F11: variants seen among roughly 807,000 people sequenced by gnomAD.
F11 encodes the protein coagualtion factor XI.
A neutral mutation model predicts 76.5 loss-of-function variants in F11; 78 were observed. The observed-to-expected ratio is 1.02, with a 90% CI of 0.85 to 1.23. The LOEUF (loss-of-function observed/expected upper bound fraction) is 1.23. F11 is among the 50% of genes most tolerant of loss of function. F11 has a pLI of 0.00. For missense variants in F11, 742 were observed against 771.4 expected (o/e 0.96, Z 0.45); for synonymous variants, 278 against 276.3 (o/e 1.01, Z -0.06).
Position 186,284,108 on chromosome 4 carries a change from C to A in F11, c.1152C>A (p.Ile384=). The change falls in exon 11 of 15, where the codon ATC becomes ATA. Residue 384 remains isoleucine, a synonymous_variant. Transcript: ENST00000403665. ...CTGTTGCAGAGTGTACCACCAAAAT[C>A]AAGCCCAGGATCGTTGGAGGAACTG... The part of the protein sequence containing the change: ...CKMDNECTTK[I]KPRIVGGTAS... The A allele has an allele frequency of 6.2e-7, 1 of 1,614,206 alleles. No homozygotes were observed. The highest frequency in any genetic ancestry group is 1.1e-5 in the South Asian group (1 of 91,076).
At chr4:186,279,621 C>T (rs559985390) in intron 7 of F11, among the ~76,000 whole-genome samples, 2 of 152,104 alleles carry the variant, frequency 1.3e-5, no homozygotes, top group African/African-American at 2.4e-5. Flanking sequence ...GAGTAAACGA[C>T]GGACTTCACC....
rs540544634 is a variant in F11, at chr4:186,288,997, T to C, written c.*383T>C. ...ATAAATAGATTTGTTCGATGAAAGA[T>C]GAAAACTGGAAGAAAGGAGAACAAA... On this transcript the variant is annotated 3_prime_UTR_variant, in exon 15 of 15. Transcript: ENST00000403665. 1.4e-5 allele frequency: 4 copies of C among 276,222 alleles called. No individual in the cohort carries two copies. The East Asian group carries it at 2.7e-4, about 19-fold the overall frequency. 17.1% of individuals were successfully genotyped at this position (276,222 alleles called of 1,614,324 possible).
At chr4:186,286,610 C>G in intron 13 of F11, 100 bp downstream of exon 13, 1 of 1,577,346 alleles carries the variant, frequency 6.3e-7, no homozygotes, top group Non-Finnish European at 8.6e-7. Flanking sequence ...TCGAGTCACA[C>G]TACTCAGTTG....
chr4:186,280,637 C>T, intron 10 of F11, 57 bp downstream of exon 10: 2 of 1,352,602 alleles, frequency 1.5e-6, no homozygotes, highest in Non-Finnish European at 2.1e-6. Flanking sequence ...ATGCTTCATA[C>T]ATCACAATCA....
intron 7 of F11, among the ~76,000 whole-genome samples, chr4:186,279,156 G>A (rs948525267): frequency 7.9e-5 from 12 of 152,216 alleles, no homozygotes; most frequent in African/African-American, 2.4e-4. Flanking sequence ...AGGCCGAGGC[G>A]GTGAATCACG....
chr4:186,284,045 G>A lies in F11; in HGVS notation c.1136-47G>A, dbSNP rs188029395. Reference sequence around the variant, plus strand: ...TTCCTGAAGGAGCATAATTACTGATGGAAAGGAAGATGTAGGAAGCTGCTC... The same window carrying A: ...TTCCTGAAGGAGCATAATTACTGATAGAAAGGAAGATGTAGGAAGCTGCTC... On this transcript the variant is annotated intron_variant, in intron 10 of 14. Transcript: ENST00000403665. The A allele has an allele frequency of 5.0e-5, 80 of 1,613,584 alleles. No homozygotes were observed. In the East Asian group the frequency reaches 1.4e-3, roughly 28 times the overall value.
In F11 at chr4:186,289,587, CATT is replaced by C. The variant is rs886059304; in HGVS notation, c.*977_*979del. Among the ~76,000 whole-genome samples, 69 of 152,100 alleles carry C rather than the reference CATT, an allele frequency of 4.5e-4. No homozygotes were observed. Among genetic ancestry groups the C allele is most frequent in the Admixed American group, 2.2e-3 (33 of 15,268 alleles). ...TTCTGTTTCGTGCAAATATTTATCTCATTATTGTTGTGATCTAGTTCAATAACC... is the reference window on the plus strand; with the variant it reads ...TTCTGTTTCGTGCAAATATTTATCTCATTGTTGTGATCTAGTTCAATAACC... On this transcript the variant is annotated 3_prime_UTR_variant, in exon 15 of 15. Transcript: ENST00000403665.
chr4:186,283,222 C>A (rs533912936), intron 10 of F11: 1 of 165,538 alleles, frequency 6.0e-6, no homozygotes, highest in African/African-American at 2.4e-5. Context: ...CGTGTGTGTG[C>A]GCATGTATGT....
At chr4:186,281,845 C>T in intron 10 of F11, 1 of 1,189,772 alleles carries the variant, frequency 8.4e-7, no homozygotes, top group Admixed American at 2.5e-5. Context: ...CGAATCAATC[C>T]TTAATTTCTG....
chr4:186,284,319 A>C, intron 11 of F11, 59 bp downstream of exon 11: 1 of 1,389,678 alleles, frequency 7.2e-7, no homozygotes, highest in Non-Finnish European at 1.0e-6. Context: ...AAAAAATATT[A>C]CTAGCATGTT....
chr4:186,277,721 T>C (rs929380191), intron 7 of F11, among the ~76,000 whole-genome samples: 1 of 152,096 alleles, frequency 6.6e-6, no homozygotes, highest in Non-Finnish European at 1.5e-5. Context: ...CAATGGAAAT[T>C]AACATAGGAC....
At chr4:186,286,536 T>C (rs937209244) in intron 13 of F11, 26 bp downstream of exon 13, 1 of 1,612,256 alleles carries the variant, frequency 6.2e-7, no homozygotes, top group Admixed American at 1.7e-5. Flanking sequence ...TTATATGTGC[T>C]CCATCCTAGA....
At chr4:186,272,170 A>G (rs995914565) in intron 3 of F11, among the ~76,000 whole-genome samples, 1 of 152,192 alleles carries the variant, frequency 6.6e-6, no homozygotes, top group East Asian at 1.9e-4. Flanking sequence ...GAAAAAAAGT[A>G]CAGTACAGTG....
chr4:186,283,125 C>T (rs1740916513), intron 10 of F11: 1 of 817,086 alleles, frequency 1.2e-6, no homozygotes, highest in Admixed American at 6.2e-5. Context: ...TCAGGACCCA[C>T]ACAGATGTTA....
In F11 at chr4:186,289,024, ACAGTCT is replaced by A; in HGVS notation, c.*411_*416del. 1 of 221,890 alleles carries A rather than the reference ACAGTCT, an allele frequency of 4.5e-6. No homozygotes were observed. 13.7% of individuals were successfully genotyped at this position (221,890 alleles called of 1,614,324 possible). On this transcript the variant is annotated 3_prime_UTR_variant, in exon 15 of 15. Transcript: ENST00000403665. The stretch of plus-strand genomic sequence containing the variant: ...AAAACTGGAAGAAAGGAGAACAAAG[ACAGTCT>A]TCACCATTTTGCAGGAATCTACACT...
Position 186,283,073 on chromosome 4 carries a change from C to A in F11, c.1136-1019C>A, listed in dbSNP as rs147427075. On this transcript the variant is annotated intron_variant, in intron 10 of 14. Coordinates refer to ENST00000403665, the MANE Select transcript of F11 (RefSeq NM_000128.4). The stretch of plus-strand genomic sequence containing the variant: ...CTGGTTATTCTAAATGTGATCTGGG[C>A]ACAGCACATTGACATCACCTGGGAG... 4.8e-5 allele frequency: 47 copies of A among 978,438 alleles called. No homozygotes were observed. The East Asian group carries it at 4.6e-3, about 95-fold the overall frequency. The allele number at this position is 978,438 out of a possible 1,614,324, so 60.6% of individuals were successfully genotyped here. A position where few individuals can be genotyped will look rare whatever the true frequency, so the allele number is the denominator to read the frequency against.
At position 186,274,204 on chromosome 4, in the gene F11, A is replaced by C; in HGVS notation, c.414A>C (p.Glu138Asp). 1.2e-6 allele frequency: 2 copies of C among 1,614,240 alleles called. No individual in the cohort carries two copies. Among genetic ancestry groups the C allele is most frequent in the Non-Finnish European group, 1.7e-6 (2 of 1,180,048 alleles). The change falls in exon 5 of 15, where the codon GAA becomes GAC. Residue 138 changes from glutamate (E) to aspartate (D), a missense_variant. Coordinates refer to ENST00000403665, the MANE Select transcript of F11 (RefSeq NM_000128.4). ...SVAKSAQECQERCTDDVHCHF... is the reference protein window; with the variant it reads ...SVAKSAQECQDRCTDDVHCHF... ...CCAAGAGTGCTCAAGAATGCCAAGA[A>C]AGATGCACGGATGACGTCCACTGCC...
rs543985619 is a variant in F11, at chr4:186,280,056, C to A, written c.800C>A (p.Thr267Lys). Residue 267 changes from threonine to lysine, a missense_variant, in exon 8 of 15, where the codon ACA (threonine) becomes AAA (lysine). By Grantham distance (78) the Thr-to-Lys change is moderately conservative. Coordinates refer to ENST00000403665, the MANE Select transcript of F11 (RefSeq NM_000128.4). ...LKTSESGLPSTRIKKSKALSG... is the reference protein window; with the variant it reads ...LKTSESGLPSKRIKKSKALSG... ...ACATCTGAGAGTGGATTGCCCAGTACACGCATTAAAAAGAGCAAAGCTCTT... is the reference window on the plus strand; with the variant it reads ...ACATCTGAGAGTGGATTGCCCAGTAAACGCATTAAAAAGAGCAAAGCTCTT... 1.9e-6 allele frequency: 3 copies of A among 1,614,096 alleles called. No individual in the cohort carries two copies. In the South Asian group the frequency reaches 3.3e-5, roughly 18 times the overall value.
At chr4:186,279,627 T>A (rs539215595) in intron 7 of F11, among the ~76,000 whole-genome samples, 1 of 152,158 alleles carries the variant, frequency 6.6e-6, no homozygotes, top group Admixed American at 6.5e-5. Context: ...ACGACGGACT[T>A]CACCCATCTC....
Sources: gnomAD v4.1 joint callset for allele counts (sites outside exome capture counted in the v4.1 genomes callset) on GRCh38, gnomAD v4.1.1 for gene constraint, MANE v1.5 for transcripts, NCBI Gene and HGNC (gene_info 2026-07-23, HGNC 2026-07-21) for gene names.